The following NKAIN1 variants were observed in gnomAD, a reference collection of about 807,000 sequenced individuals.
NKAIN1 encodes sodium/potassium transporting ATPase interacting 1.
In NKAIN1, 13 loss-of-function variants were observed where a neutral mutation model predicts 31.6. The observed-to-expected ratio is 0.41, with a 90% CI of 0.27 to 0.65. The LOEUF is 0.65. Among genes scored for constraint, NKAIN1 ranks in the 30% least tolerant of loss-of-function variants. The pLI is 0.30. For missense variants in NKAIN1, 193 were observed against 262.2 expected (o/e 0.74, Z 1.82); for synonymous variants, 104 against 109.0 (o/e 0.95, Z 0.28).
At chr1:31,218,068 CTT>C (rs1553163597) in intron 1 of NKAIN1, among the ~76,000 whole-genome samples, 2 of 132,936 alleles carry the variant, frequency 1.5e-5, no homozygotes, top group African/African-American at 2.9e-5. Context: ...TTCTTTCTTT[CTT>C]TTTTTTTTTT....
In NKAIN1 at chr1:31,230,878, ATTTTTTTT is replaced by A. The variant is rs35096054; in HGVS notation, c.54+8608_54+8615del. ...ATAATCCAATCATACTCTTTGGGTTATTTTTTTTTTTTTTTTTTTTTGAGACGGAGTTT... is the reference window on the plus strand; with the variant it reads ...ATAATCCAATCATACTCTTTGGGTTATTTTTTTTTTTTTGAGACGGAGTTT... On this transcript the variant is annotated intron_variant, in intron 1 of 6. Transcript: ENST00000373736. Among the ~76,000 whole-genome samples the A allele has an allele frequency of 1.3e-3, 106 of 79,306 alleles. 1 individual carries two copies. Among genetic ancestry groups the A allele is most frequent in the African/African-American group, 4.7e-3 (102 of 21,592 alleles). 52.0% of individuals were successfully genotyped at this position (79,306 alleles called of 152,430 possible).
chr1:31,229,137 A>T (rs111336852), intron 1 of NKAIN1, among the ~76,000 whole-genome samples: 6 of 152,328 alleles, frequency 3.9e-5, no homozygotes, highest in African/African-American at 1.4e-4. Context: ...TTCATACACT[A>T]AGGTGACTCA....
chr1:31,228,249 C>G (rs528058956), intron 1 of NKAIN1, among the ~76,000 whole-genome samples: 1 of 152,104 alleles, frequency 6.6e-6, no homozygotes, highest in African/African-American at 2.4e-5. Context: ...ACATGCCCAC[C>G]TCCTCCCAAA....
At position 31,180,033 on chromosome 1, in the gene NKAIN1, C is replaced by G. The variant is rs967469347; in HGVS notation, c.*1670G>C. 1.3e-5 allele frequency: 2 copies of G among 152,452 alleles called. No individual in the cohort carries two copies. The highest frequency in any genetic ancestry group is 1.9e-4 in the East Asian group (1 of 5,180). The allele number at this position is 152,452 out of a possible 1,614,324, so 9.4% of individuals were successfully genotyped here. A position where few individuals can be genotyped will look rare whatever the true frequency, so the allele number is the denominator to read the frequency against. ...TCAAGCTGTACCCACCAGCTGGGAG[C>G]TCCATGCCTGTGGGGGCCAGAGGAA... On this transcript the variant is annotated 3_prime_UTR_variant, in exon 7 of 7. Transcript: ENST00000373736.
intron 1 of NKAIN1, among the ~76,000 whole-genome samples, chr1:31,223,743 C>T (rs1295691744): frequency 6.6e-6 from 1 of 152,092 alleles, no homozygotes; most frequent in Non-Finnish European, 1.5e-5. Flanking sequence ...CACGCCCAGC[C>T]GACTGCTGGT....
At chr1:31,222,649 C>A (rs1009523372) in intron 1 of NKAIN1, among the ~76,000 whole-genome samples, 2 of 152,170 alleles carry the variant, frequency 1.3e-5, no homozygotes, top group South Asian at 4.1e-4. Context: ...CATTAAACAG[C>A]TTTTCAAGGC....
chr1:31,190,266 A>G (rs1645275405), intron 1 of NKAIN1, among the ~76,000 whole-genome samples: 2 of 152,184 alleles, frequency 1.3e-5, no homozygotes, highest in Non-Finnish European at 2.9e-5. Context: ...GTGGTGAGGG[A>G]AGCCTGGTGG....
intron 1 of NKAIN1, among the ~76,000 whole-genome samples, chr1:31,194,767 CTTT>C (rs35385145): frequency 3.5e-4 from 35 of 99,436 alleles, no homozygotes; most frequent in African/African-American, 1.5e-3. Context: ...CTCTCTCTCT[CTTT>C]TTTTTTTTTT....
rs1418410383 is a variant in NKAIN1 at position 31,181,678 on chromosome 1, C to T, written c.*25G>A. On this transcript the variant is annotated 3_prime_UTR_variant, in exon 7 of 7. Coordinates refer to ENST00000373736, the MANE Select transcript of NKAIN1 (RefSeq NM_024522.3). ...CAGCTGCGGTCAGCCCAGGGCGAGG[C>T]GCCGGGGTGGGCGCGGGGCAGAGGC... 2.7e-6 allele frequency: 4 copies of T among 1,457,032 alleles called. No homozygotes were observed. In the East Asian group the frequency reaches 1.0e-4, roughly 36 times the overall value. 90.3% of individuals were successfully genotyped at this position (1,457,032 alleles called of 1,614,324 possible). A position where few individuals can be genotyped will look rare whatever the true frequency, so the allele number is the denominator to read the frequency against.
At chr1:31,228,769 A>C (rs1398417871) in intron 1 of NKAIN1, among the ~76,000 whole-genome samples, 1 of 152,126 alleles carries the variant, frequency 6.6e-6, no homozygotes, top group Non-Finnish European at 1.5e-5. Context: ...AATTAAAAAA[A>C]ATTTTTTTTA....
At chr1:31,199,540 A>C (rs1282172110) in intron 1 of NKAIN1, among the ~76,000 whole-genome samples, 1 of 152,138 alleles carries the variant, frequency 6.6e-6, no homozygotes, top group African/African-American at 2.4e-5. Flanking sequence ...AGGACCCCTG[A>C]GATCTGCTGG....
At chr1:31,215,919 A>G (rs952718893) in intron 1 of NKAIN1, among the ~76,000 whole-genome samples, 1 of 152,084 alleles carries the variant, frequency 6.6e-6, no homozygotes, top group Non-Finnish European at 1.5e-5. Context: ...GCCCCATGTC[A>G]TTCAGCTCTC....
In NKAIN1 at chr1:31,233,568, C is replaced by CA. The variant is rs1645673359; in HGVS notation, c.54+5925dup. 6.6e-6 allele frequency among the ~76,000 whole-genome samples: 1 copy of CA among 152,208 alleles called. No homozygotes were observed. The highest frequency in any genetic ancestry group is 2.4e-5 in the African/African-American group (1 of 41,428). ...GCCTAGTACAATGCCTGGCTCATAG[C>CA]AGACACCAAACAAAAAGAAATTCTC... On this transcript the variant is annotated intron_variant, in intron 1 of 6. Coordinates refer to ENST00000373736, the MANE Select transcript of NKAIN1 (RefSeq NM_024522.3). The surrounding 1 kb of genome is among the most constrained non-coding windows in gnomAD (Gnocchi z 4.0).
intron 1 of NKAIN1, among the ~76,000 whole-genome samples, chr1:31,189,583 C>T (rs1645270405): frequency 6.6e-6 from 1 of 152,180 alleles, no homozygotes; most frequent in Non-Finnish European, 1.5e-5. Flanking sequence ...TCCCAAAGTG[C>T]TGGGATTATA....
At chr1:31,192,786 T>C (rs184399372) in intron 1 of NKAIN1, among the ~76,000 whole-genome samples, 2 of 152,192 alleles carry the variant, frequency 1.3e-5, no homozygotes, top group African/African-American at 4.8e-5. Flanking sequence ...CCTCCTGGGC[T>C]CATGTGGTCC....
intron 1 of NKAIN1, among the ~76,000 whole-genome samples, chr1:31,237,798 G>C: frequency 6.6e-6 from 1 of 151,970 alleles, no homozygotes; most frequent in East Asian, 1.9e-4. Flanking sequence ...GCCTGGCCTA[G>C]AAAACTTACT....
chr1:31,184,815 C>A (rs188134118), intron 3 of NKAIN1, among the ~76,000 whole-genome samples: 136 of 152,348 alleles, frequency 8.9e-4, no homozygotes, highest in African/African-American at 3.1e-3. Context: ...CCTGAACAAA[C>A]TCTAACTAGT....
At chr1:31,190,675 G>GACTTCCATGCATGGAAGTC in intron 1 of NKAIN1, among the ~76,000 whole-genome samples, 1 of 152,268 alleles carries the variant, frequency 6.6e-6, no homozygotes, top group Middle Eastern at 3.4e-3. Context: ...GAAGTCACTG[G>GACTTCCATGCATGGAAGTC]ACTAGGTAAT....
chr1:31,213,992 T>TG (rs1645490102), intron 1 of NKAIN1, among the ~76,000 whole-genome samples: 1 of 72,742 alleles, frequency 1.4e-5, no homozygotes, highest in Admixed American at 1.3e-4. Flanking sequence ...AGCCCCTGTC[T>TG]CAAAAAAAGA....
Sources: gnomAD v4.1 joint callset for allele counts (sites outside exome capture counted in the v4.1 genomes callset) on GRCh38, gnomAD v4.1.1 for gene constraint, Gnocchi (gnomAD v3.1) non-coding constraint, MANE v1.5 for transcripts, NCBI Gene and HGNC (gene_info 2026-07-23, HGNC 2026-07-21) for gene names.